The following DOP1B variants were observed in gnomAD, a reference collection of about 807,000 sequenced individuals.
DOP1B encodes the protein DOP1 leucine zipper like protein B.
A neutral mutation model predicts 233.5 loss-of-function variants in DOP1B; 174 were observed. The observed-to-expected ratio is 0.75, with a 90% CI of 0.66 to 0.85. The LOEUF (loss-of-function observed/expected upper bound fraction) is 0.85, where lower values mean the gene tolerates loss of function less well. Among genes scored for constraint, DOP1B ranks in the 40% least tolerant of loss-of-function variants. DOP1B has a pLI of 0.00. For missense variants in DOP1B, 2,652 were observed against 2,846.6 expected, an observed-to-expected ratio of 0.93 and a Z score of 1.56; for synonymous variants, 1,190 against 1,185.6, an observed-to-expected ratio of 1.00 and a Z score of -0.08.
chr21:36,280,755 G>T (rs2067405943), intron 31 of DOP1B, among the ~76,000 whole-genome samples: 1 of 152,062 alleles, frequency 6.6e-6, no homozygotes, highest in Admixed American at 6.6e-5. Flanking sequence ...TGTAATCCCA[G>T]CACTTTGGGA....
At chr21:36,217,074 CAA>C (rs11353414) in intron 9 of DOP1B, among the ~76,000 whole-genome samples, 13,133 of 100,116 alleles carry the variant, frequency 0.13, 1,020 homozygotes, top group African/African-American at 0.27. Flanking sequence ...GACTCCATCT[CAA>C]AAAAAAAAAA....
chr21:36,254,268 A>C (rs2067067105), intron 23 of DOP1B, among the ~76,000 whole-genome samples: 1 of 152,186 alleles, frequency 6.6e-6, no homozygotes. Context: ...TAAAGATGCC[A>C]AAGATAAACA....
chr21:36,205,879 G>A (rs2066420371), intron 4 of DOP1B, among the ~76,000 whole-genome samples: 1 of 151,958 alleles, frequency 6.6e-6, no homozygotes. Flanking sequence ...GCATGGTGGC[G>A]GCTGCCTGTA....
intron 25 of DOP1B, 23 bp downstream of exon 25, chr21:36,263,673 T>C (rs762163825): frequency 6.2e-7 from 1 of 1,613,230 alleles, no homozygotes; most frequent in South Asian, 1.1e-5. Context: ...CACATTGTCA[T>C]TGTGTAATAT....
Position 36,285,058 on chromosome 21 carries a change from T to A in DOP1B, c.6161-2956T>A, listed in dbSNP as rs112029618. 2.4e-4 allele frequency among the ~76,000 whole-genome samples: 37 copies of A among 152,082 alleles called. 1 individual carries two copies. The highest frequency in any genetic ancestry group is 4.6e-4 in the Admixed American group (7 of 15,254). On this transcript the variant is annotated intron_variant, in intron 32 of 36. Transcript: ENST00000691173. ...TTGGGCTCTTGGGAAAAGAGAAATT[T>A]TTTTGTTGTTGTTGGGAGGGGAACG...
In DOP1B at chr21:36,223,292, T is replaced by A; in HGVS notation, c.1312T>A (p.Ser438Thr). The change falls in exon 11 of 37, where the codon TCT becomes ACT. Residue 438 changes from serine (S) to threonine (T), a missense_variant. By Grantham distance (58) the Ser-to-Thr change is moderately conservative. Transcript: ENST00000691173. ...IVKTVNLLIT[S>T]LSTDFLWDYM... Reference sequence around the variant, plus strand: ...CAAAACGGTAAATTTGCTGATAACTTCTCTAAGCACAGACTTTCTCTGGGA... The same window carrying A: ...CAAAACGGTAAATTTGCTGATAACTACTCTAAGCACAGACTTTCTCTGGGA... The A allele has an allele frequency of 6.2e-7, 1 of 1,610,734 alleles. No homozygotes were observed. Among genetic ancestry groups the A allele is most frequent in the Non-Finnish European group, 8.5e-7 (1 of 1,179,292 alleles).
chr21:36,283,241 C>T (rs1336804917), intron 32 of DOP1B, among the ~76,000 whole-genome samples: 5 of 151,940 alleles, frequency 3.3e-5, no homozygotes, highest in East Asian at 2.0e-4. Context: ...CCACCATGTC[C>T]GGCTAATTTT....
At chr21:36,211,278 G>A (rs1221315894) in intron 5 of DOP1B, among the ~76,000 whole-genome samples, 1 of 152,178 alleles carries the variant, frequency 6.6e-6, no homozygotes, top group African/African-American at 2.4e-5. Context: ...GATCCTTTCT[G>A]GGATCGTAGA....
chr21:36,293,237 G>A, intron 36 of DOP1B, 83 bp from the exon 37 acceptor site: 1 of 1,458,766 alleles, frequency 6.9e-7, no homozygotes, highest in Non-Finnish European at 9.2e-7. Context: ...TATTTCTTAG[G>A]TTTTGCCACA....
chr21:36,204,083 G>A (rs1186422569), intron 4 of DOP1B, among the ~76,000 whole-genome samples: 1 of 152,078 alleles, frequency 6.6e-6, no homozygotes, highest in African/African-American at 2.4e-5. Context: ...TAGTAATTTT[G>A]CCTCTCAGGG....
At chr21:36,251,321 C>G (rs748101337) in intron 22 of DOP1B, 37 bp downstream of exon 22, 3 of 1,589,002 alleles carry the variant, frequency 1.9e-6, no homozygotes, top group Non-Finnish European at 2.6e-6. Context: ...GTTAAACTTA[C>G]TGTGACAAAG....
Position 36,260,658 on chromosome 21 carries a change from G to T in DOP1B, c.5260-19G>T. Reference sequence around the variant, plus strand: ...ATTTCCCACCAACTCGGAGTAATTGGTTTTACTTTCATTTTCAGAAATCGC... The same window carrying T: ...ATTTCCCACCAACTCGGAGTAATTGTTTTTACTTTCATTTTCAGAAATCGC... On this transcript the variant is annotated intron_variant, in intron 23 of 36. Coordinates refer to ENST00000691173, the MANE Select transcript of DOP1B (RefSeq NM_001320714.2). The T allele has an allele frequency of 6.2e-7, 1 of 1,613,356 alleles. No homozygotes were observed. The highest frequency in any genetic ancestry group is 8.5e-7 in the Non-Finnish European group (1 of 1,179,822).
At position 36,230,617 on chromosome 21, in the gene DOP1B, G is replaced by A. The variant is rs2066750108; in HGVS notation, c.1833G>A (p.Leu611=). 6.2e-7 allele frequency: 1 copy of A among 1,614,060 alleles called. No homozygotes were observed. The highest frequency in any genetic ancestry group is 1.7e-5 in the Admixed American group (1 of 59,992). Residue 611 remains leucine, a synonymous_variant, in exon 14 of 37, where the codon CTG becomes CTA. Coordinates refer to ENST00000691173, the MANE Select transcript of DOP1B (RefSeq NM_001320714.2). ...SEHLRVPRVS[L]ERDDVWKKGG... The stretch of plus-strand genomic sequence containing the variant: ...ACTTGAGGGTTCCTCGAGTTTCTCT[G>A]GAAAGGGACGACGTTTGGAAGAAGG...
intron 27 of DOP1B, among the ~76,000 whole-genome samples, chr21:36,272,122 G>A (rs2146236145): frequency 6.6e-6 from 1 of 152,230 alleles, no homozygotes; most frequent in Middle Eastern, 3.4e-3. Flanking sequence ...TCAGTTTTCA[G>A]TGTAAACTAT....
At chr21:36,241,355 CAGTTA>C (rs1258876716) in intron 18 of DOP1B, among the ~76,000 whole-genome samples, 2 of 151,772 alleles carry the variant, frequency 1.3e-5, no homozygotes, top group Non-Finnish European at 2.9e-5. Context: ...ACTTCAAAGA[CAGTTA>C]TAAGCTAACG....
rs1001875919 is a variant in DOP1B at position 36,200,273 on chromosome 21, T to C, written c.321-58T>C. 6 of 1,505,476 alleles carry C rather than the reference T, an allele frequency of 4.0e-6. No individual in the cohort carries two copies. The South Asian group carries it at 5.3e-5, about 13-fold the overall frequency. The allele number at this position is 1,505,476 out of a possible 1,614,324, so 93.3% of individuals were successfully genotyped here. The stretch of plus-strand genomic sequence containing the variant: ...AACTCCCCTCGGCTGGCTTGTCACC[T>C]GGGACTTCTGACTGGGTATCTTATT... On this transcript the variant is annotated intron_variant, in intron 3 of 36. Transcript: ENST00000691173.
At chr21:36,258,582 G>C (rs1048021599) in intron 23 of DOP1B, among the ~76,000 whole-genome samples, 8 of 152,160 alleles carry the variant, frequency 5.3e-5, no homozygotes, top group African/African-American at 1.9e-4. Flanking sequence ...ATGACACGGG[G>C]CAGCCCCCTA....
Position 36,246,397 on chromosome 21 carries a change from CAG to C in DOP1B, c.4422_4423del (p.Arg1474SerfsTer77). 1 of 1,613,390 alleles carries C rather than the reference CAG, an allele frequency of 6.2e-7. No individual in the cohort carries two copies. Among genetic ancestry groups the C allele is most frequent in the Non-Finnish European group, 8.5e-7 (1 of 1,179,796 alleles). ...ENQPDLSREW[Q>X]RALNFQQAIS... ...CCAGCCCGACCTGTCCCGGGAGTGG[CAG>C]AGAGCCCTGAACTTCCAGCAGGCCA... On this transcript the variant is annotated frameshift_variant, in exon 19 of 37. Transcript: ENST00000691173. LOFTEE classifies it high-confidence loss of function. The surrounding 1 kb of genome is among the most constrained non-coding windows in gnomAD (Gnocchi z 5.1).
intron 2 of DOP1B, among the ~76,000 whole-genome samples, chr21:36,196,381 C>G (rs182811558): frequency 6.6e-6 from 1 of 152,110 alleles, no homozygotes; most frequent in Non-Finnish European, 1.5e-5. Flanking sequence ...GCTGCCTGAC[C>G]GTTCTATGTG....
Sources: gnomAD v4.1 joint callset for allele counts (sites outside exome capture counted in the v4.1 genomes callset) on GRCh38, gnomAD v4.1.1 for gene constraint, Gnocchi (gnomAD v3.1) non-coding constraint, MANE v1.5 for transcripts, NCBI Gene and HGNC (gene_info 2026-07-23, HGNC 2026-07-21) for gene names.